The following ANKRD30BL variants were observed in gnomAD, a reference collection of about 807,000 sequenced individuals.
ANKRD30BL encodes the protein putative ankyrin repeat domain-containing protein 30B-like.
ANKRD30BL carries 20 observed loss-of-function variants against 18.4 expected under a neutral mutation model. The observed-to-expected ratio is 1.09, with a 90% CI of 0.77 to 1.58. ANKRD30BL has a LOEUF of 1.58. Among genes scored for constraint, ANKRD30BL ranks in the 40% most tolerant of loss-of-function variants. The probability of loss-of-function intolerance (pLI) is 0.00; values close to 1 mark genes in which losing one functional copy is unlikely to be tolerated. For missense variants in ANKRD30BL, 224 were observed against 268.6 expected (o/e 0.83, Z 1.16); for synonymous variants, 72 against 100.9 (o/e 0.71, Z 1.72).
At chr2:132,249,920 G>T (rs1228796861) in intron 1 of ANKRD30BL, among the ~76,000 whole-genome samples, 2 of 152,234 alleles carry the variant, frequency 1.3e-5, no homozygotes, top group East Asian at 3.9e-4. Flanking sequence ...ATTTACCTCT[G>T]TGAGATGAAC....
At chr2:132,214,422 T>G in intron 1 of ANKRD30BL, among the ~76,000 whole-genome samples, 1 of 151,850 alleles carries the variant, frequency 6.6e-6, no homozygotes, top group Admixed American at 6.6e-5. Flanking sequence ...GATTCAGAAG[T>G]TTGGAAACAC....
chr2:132,228,661 CA>C (rs1679912509), intron 1 of ANKRD30BL, among the ~76,000 whole-genome samples: 1 of 149,702 alleles, frequency 6.7e-6, no homozygotes, highest in Non-Finnish European at 1.5e-5. Flanking sequence ...GCTTACATCT[CA>C]CAGAGCTGAA....
chr2:132,243,995 C>A (rs1680407795), intron 1 of ANKRD30BL, among the ~76,000 whole-genome samples: 2 of 152,408 alleles, frequency 1.3e-5, no homozygotes, highest in South Asian at 2.1e-4. Flanking sequence ...TTTGATAGAG[C>A]AGTTTTGAGA....
chr2:132,236,603 AT>A (rs1229335075), intron 1 of ANKRD30BL, among the ~76,000 whole-genome samples: 1 of 152,166 alleles, frequency 6.6e-6, no homozygotes, highest in South Asian at 2.1e-4. Flanking sequence ...TAGAATGGCA[AT>A]CATTAAAAAG....
chr2:132,194,634 G>A (rs532543034), intron 1 of ANKRD30BL, among the ~76,000 whole-genome samples: 5 of 152,290 alleles, frequency 3.3e-5, no homozygotes, highest in African/African-American at 9.6e-5. Context: ...CTCTACAGGT[G>A]TAAGATCTGC....
chr2:132,191,429 CA>C (rs1210978995), intron 1 of ANKRD30BL, among the ~76,000 whole-genome samples: 1 of 151,976 alleles, frequency 6.6e-6, no homozygotes, highest in Admixed American at 6.6e-5. Context: ...TATTCTAGGT[CA>C]AATTGTAAGT....
intron 1 of ANKRD30BL, among the ~76,000 whole-genome samples, chr2:132,169,572 A>T (rs551111561): frequency 6.7e-6 from 1 of 149,634 alleles, no homozygotes; most frequent in African/African-American, 2.5e-5. Context: ...ACTTGAACCC[A>T]GGAGGCAGAT....
At chr2:132,169,633 G>T (rs898289120) in intron 1 of ANKRD30BL, among the ~76,000 whole-genome samples, 2 of 124,628 alleles carry the variant, frequency 1.6e-5, no homozygotes, top group African/African-American at 6.5e-5. Context: ...GTGACACAGG[G>T]ATACTCTGTC....
chr2:132,187,580 C>G (rs1688591051), intron 1 of ANKRD30BL, among the ~76,000 whole-genome samples: 1 of 151,956 alleles, frequency 6.6e-6, no homozygotes, highest in Non-Finnish European at 1.5e-5. Flanking sequence ...TCCCAAAATG[C>G]TGGGATTACA....
intron 1 of ANKRD30BL, among the ~76,000 whole-genome samples, chr2:132,236,314 G>T (rs1680149887): frequency 6.6e-6 from 1 of 152,076 alleles, no homozygotes; most frequent in Admixed American, 6.6e-5. Context: ...AAAAACAATG[G>T]CAACAAAAGA....
At chr2:132,180,274 C>T (rs1263515487) in intron 1 of ANKRD30BL, among the ~76,000 whole-genome samples, 1 of 151,426 alleles carries the variant, frequency 6.6e-6, no homozygotes, top group Non-Finnish European at 1.5e-5. Context: ...AAAATACCTA[C>T]CACTGTGTTA....
Position 132,172,119 on chromosome 2 carries a change from T to C in ANKRD30BL, n.442-14973A>G, listed in dbSNP as rs572487014. Among the ~76,000 whole-genome samples the C allele has an allele frequency of 2.0e-5, 3 of 152,382 alleles. No homozygotes were observed. In the South Asian group the frequency reaches 6.2e-4, roughly 32 times the overall value. On this transcript the variant is annotated intron_variant and non_coding_transcript_variant, in intron 1 of 4. Transcript: ENST00000470729. ...ATGGTGTATTTTGTTTATTCATTCA[T>C]TTATTGATGAACATTTGAGTTGCTT...
intron 1 of ANKRD30BL, among the ~76,000 whole-genome samples, chr2:132,159,149 G>A (rs1687990758): frequency 6.6e-6 from 1 of 152,048 alleles, no homozygotes; most frequent in African/African-American, 2.4e-5. Context: ...CTGTGTGTAT[G>A]TATAATCAAA....
chr2:132,237,756 G>A (rs572825322), intron 1 of ANKRD30BL, among the ~76,000 whole-genome samples: 2 of 151,888 alleles, frequency 1.3e-5, no homozygotes, highest in African/African-American at 2.4e-5. Context: ...AACTTGGAGC[G>A]CTTTGAAAGC....
intron 1 of ANKRD30BL, among the ~76,000 whole-genome samples, chr2:132,217,051 A>G (rs887539522): frequency 6.6e-6 from 1 of 151,984 alleles, no homozygotes; most frequent in African/African-American, 2.4e-5. Flanking sequence ...GCAAGTGGAC[A>G]TTTGAAGCTC....
chr2:132,229,809 C>T (rs79672765), intron 1 of ANKRD30BL, among the ~76,000 whole-genome samples: 2 of 152,154 alleles, frequency 1.3e-5, no homozygotes, highest in Non-Finnish European at 2.9e-5. Flanking sequence ...AAAAACTAGA[C>T]AGAAGCATTC....
At chr2:132,190,382 C>CA (rs1678822710) in intron 1 of ANKRD30BL, among the ~76,000 whole-genome samples, 1 of 151,402 alleles carries the variant, frequency 6.6e-6, no homozygotes, top group Non-Finnish European at 1.5e-5. Flanking sequence ...AGAAAACACC[C>CA]ATCAAAAGGC....
At chr2:132,188,982 C>T (rs1678789197) in intron 1 of ANKRD30BL, among the ~76,000 whole-genome samples, 1 of 152,114 alleles carries the variant, frequency 6.6e-6, no homozygotes, top group Admixed American at 6.6e-5. Flanking sequence ...AGCAACCTAG[C>T]AATTTTCACA....
chr2:132,199,568 G>C (rs929033193), intron 1 of ANKRD30BL, among the ~76,000 whole-genome samples: 2 of 150,938 alleles, frequency 1.3e-5, no homozygotes, highest in East Asian at 3.9e-4. Flanking sequence ...GTGCAGTGGC[G>C]GGATCTCGGC....
Sources: gnomAD v4.1 joint callset for allele counts (sites outside exome capture counted in the v4.1 genomes callset) on GRCh38, gnomAD v4.1.1 for gene constraint, MANE v1.5 for transcripts, NCBI Gene and HGNC (gene_info 2026-07-23, HGNC 2026-07-21) for gene names.